The following LRRC4C variants were observed in gnomAD, a reference collection of about 807,000 sequenced individuals.
The protein encoded by LRRC4C is leucine-rich repeat-containing protein 4C.
LRRC4C carries 5 observed loss-of-function variants against 33.6 expected under a neutral mutation model. The ratio of observed to expected loss-of-function variants is 0.15; its 90% CI spans 0.08 to 0.31. LRRC4C has a LOEUF of 0.31. Ranked by LOEUF, LRRC4C falls within the 10% of genes least tolerant of loss-of-function variation. The pLI is 1.00. For missense variants in LRRC4C, 560 were observed against 796.7 expected, an observed-to-expected ratio of 0.70 and a Z score of 3.58; for synonymous variants, 329 against 302.0, an observed-to-expected ratio of 1.09 and a Z score of -0.93.
At chr11:40,742,142 T>C (rs1483729759) in intron 2 of LRRC4C, among the ~76,000 whole-genome samples, 1 of 152,032 alleles carries the variant, frequency 6.6e-6, no homozygotes, top group Non-Finnish European at 1.5e-5. Context: ...TCCATAATAA[T>C]GTATCTTTCT....
intron 3 of LRRC4C, among the ~76,000 whole-genome samples, chr11:40,403,860 C>A (rs1949858908): frequency 6.6e-6 from 1 of 152,056 alleles, no homozygotes; most frequent in African/African-American, 2.4e-5. Context: ...ACAGATTTGA[C>A]TCCTAGAAAG....
At chr11:40,473,333 C>T (rs909428297) in intron 3 of LRRC4C, among the ~76,000 whole-genome samples, 1 of 152,130 alleles carries the variant, frequency 6.6e-6, no homozygotes, top group Non-Finnish European at 1.5e-5. Context: ...ATCACATAAA[C>T]AGAACAAATG....
chr11:41,311,687 T>C (rs1950646302), intron 1 of LRRC4C, among the ~76,000 whole-genome samples: 1 of 152,236 alleles, frequency 6.6e-6, no homozygotes, highest in South Asian at 2.1e-4. Context: ...AGTGATCTAA[T>C]ATTGTATCAT....
chr11:40,127,182 C>T (rs553043741), intron 6 of LRRC4C, among the ~76,000 whole-genome samples: 1 of 151,954 alleles, frequency 6.6e-6, no homozygotes, highest in African/African-American at 2.4e-5. Context: ...GAGGCTGAGG[C>T]AGGAAAATCG....
chr11:41,132,914 A>G (rs944701638), intron 1 of LRRC4C, among the ~76,000 whole-genome samples: 10 of 152,270 alleles, frequency 6.6e-5, no homozygotes, highest in African/African-American at 2.2e-4. Context: ...TATATTTTCA[A>G]AGTAAAAGGT....
chr11:40,359,574 C>A (rs1023686579), intron 3 of LRRC4C, among the ~76,000 whole-genome samples: 7 of 152,142 alleles, frequency 4.6e-5, no homozygotes, highest in Admixed American at 3.9e-4. Flanking sequence ...ATCTAAGGAT[C>A]CTTGCCTCCA....
At chr11:40,206,831 T>C (rs937355512) in intron 5 of LRRC4C, among the ~76,000 whole-genome samples, 2 of 152,134 alleles carry the variant, frequency 1.3e-5, no homozygotes, top group Non-Finnish European at 1.5e-5. Flanking sequence ...TAGCTCTCTT[T>C]TTGTTCTTAA....
rs866283805 is a variant in LRRC4C at position 40,697,463 on chromosome 11, C to A, written c.-406-49185G>T. 9.2e-5 allele frequency among the ~76,000 whole-genome samples: 14 copies of A among 152,186 alleles called. 1 individual carries two copies. Among genetic ancestry groups the A allele is most frequent in the Middle Eastern group, 6.8e-3 (2 of 292 alleles). On this transcript the variant is annotated intron_variant, in intron 2 of 6. Coordinates refer to ENST00000528697, the MANE Select transcript of LRRC4C (RefSeq NM_001258419.2). ...TATTTTCTTTTTATGAAAGGAATAA[C>A]ATTTTAATCAAAAATTTTGAGAATA... is the stretch of plus-strand genomic sequence containing the variant.
At chr11:40,196,416 G>A (rs147627527) in intron 5 of LRRC4C, among the ~76,000 whole-genome samples, 2 of 152,280 alleles carry the variant, frequency 1.3e-5, no homozygotes, top group East Asian at 3.9e-4. Flanking sequence ...ATGAACAAAA[G>A]CAAAACCTAT....
At chr11:40,957,561 G>C (rs1442736863) in intron 1 of LRRC4C, among the ~76,000 whole-genome samples, 1 of 151,660 alleles carries the variant, frequency 6.6e-6, no homozygotes, top group African/African-American at 2.4e-5. Context: ...TGTAAATGAG[G>C]AGTCAGAGCT....
chr11:40,995,298 T>C (rs1219837976), intron 1 of LRRC4C, among the ~76,000 whole-genome samples: 2 of 152,084 alleles, frequency 1.3e-5, no homozygotes, highest in Non-Finnish European at 2.9e-5. Context: ...AATACCTTGT[T>C]CTTATTCATA....
intron 3 of LRRC4C, among the ~76,000 whole-genome samples, chr11:40,581,705 C>T: frequency 6.6e-6 from 1 of 152,196 alleles, no homozygotes; most frequent in East Asian, 1.9e-4. Flanking sequence ...AGTTCGAGAC[C>T]AGCCTGGCCA....
At chr11:40,828,616 T>C (rs1952270318) in intron 2 of LRRC4C, among the ~76,000 whole-genome samples, 2 of 151,940 alleles carry the variant, frequency 1.3e-5, no homozygotes, top group East Asian at 1.9e-4. Flanking sequence ...TACCATATTT[T>C]AAACTCAGAA....
At chr11:41,420,446 T>C (rs1455623202) in intron 1 of LRRC4C, among the ~76,000 whole-genome samples, 1 of 152,022 alleles carries the variant, frequency 6.6e-6, no homozygotes, top group Non-Finnish European at 1.5e-5. Flanking sequence ...CAGTGCCCCA[T>C]AAAAGGCTGC....
intron 1 of LRRC4C, among the ~76,000 whole-genome samples, chr11:41,434,760 C>T (rs1955368172): frequency 6.6e-6 from 1 of 152,138 alleles, no homozygotes; most frequent in Non-Finnish European, 1.5e-5. Context: ...TTTCTCCCAT[C>T]AATATTAAGA....
chr11:40,732,477 T>C (rs2136799946), intron 2 of LRRC4C, among the ~76,000 whole-genome samples: 1 of 152,320 alleles, frequency 6.6e-6, no homozygotes, highest in South Asian at 2.1e-4. Context: ...ACACTAAGTG[T>C]AAATTCAAGC....
intron 2 of LRRC4C, among the ~76,000 whole-genome samples, chr11:40,825,334 C>T (rs1188180152): frequency 1.3e-5 from 2 of 151,848 alleles, no homozygotes; most frequent in African/African-American, 4.8e-5. Flanking sequence ...ATTCCATCAC[C>T]TCCTCTCTTA....
chr11:41,341,456 T>C (rs558832396), intron 1 of LRRC4C, among the ~76,000 whole-genome samples: 1 of 152,328 alleles, frequency 6.6e-6, no homozygotes, highest in South Asian at 2.1e-4. Flanking sequence ...GACTGTTTTC[T>C]ACATTTTTTT....
intron 5 of LRRC4C, among the ~76,000 whole-genome samples, chr11:40,223,984 T>C (rs975223339): frequency 4.6e-5 from 7 of 152,252 alleles, no homozygotes; most frequent in Non-Finnish European, 1.0e-4. Context: ...AGATTAAGAC[T>C]ATTATTTAAA....
Sources: allele counts gnomAD v4.1 joint callset (sites outside exome capture counted in the v4.1 genomes callset), GRCh38; gene constraint gnomAD v4.1.1; transcripts MANE v1.5; gene names NCBI Gene and HGNC (gene_info 2026-07-23, HGNC 2026-07-21).